The following CDK6 variants were observed in gnomAD, a reference collection of about 807,000 sequenced individuals.
CDK6 encodes the protein cyclin dependent kinase 6.
A neutral mutation model predicts 37.1 loss-of-function variants in CDK6; 6 were observed. The ratio of observed to expected loss-of-function variants is 0.16; its 90% CI spans 0.09 to 0.32. CDK6 has a LOEUF of 0.32. Among genes scored for constraint, CDK6 ranks in the 10% least tolerant of loss-of-function variants. The probability of loss-of-function intolerance (pLI) is 1.00; values close to 1 mark genes in which losing one functional copy is unlikely to be tolerated. For synonymous variants in CDK6, 160 were observed against 161.3 expected (o/e 0.99, Z 0.06); for missense variants, 224 against 418.9 (o/e 0.53, Z 4.06).
intron 2 of CDK6, among the ~76,000 whole-genome samples, chr7:92,788,279 A>G (rs562414963): frequency 7.7e-4 from 117 of 152,312 alleles, no homozygotes; most frequent in African/African-American, 2.7e-3. Context: ...AAACTGTGGG[A>G]GATAATTTGT....
chr7:92,745,355 C>T (rs1228349467), intron 3 of CDK6, among the ~76,000 whole-genome samples: 1 of 152,058 alleles, frequency 6.6e-6, no homozygotes, highest in Non-Finnish European at 1.5e-5. Context: ...CTGTGTTTTC[C>T]ACACAATTTT....
At chr7:92,759,697 CAAA>C (rs61188860) in intron 3 of CDK6, among the ~76,000 whole-genome samples, 22 of 74,102 alleles carry the variant, frequency 3.0e-4, no homozygotes, top group South Asian at 5.4e-4. Flanking sequence ...GACTTTAAGG[CAAA>C]AAAAAAAAAA....
Position 92,748,226 on chromosome 7 carries a change from A to G in CDK6, c.370-22433T>C, listed in dbSNP as rs372725734. ...AATAGTATTTCAAGAAGCAACTATT[A>G]TATCATCAGCAAGAAGGAGCAGGAA... On this transcript the variant is annotated intron_variant, in intron 3 of 7. Coordinates refer to ENST00000424848, the MANE Select transcript of CDK6 (RefSeq NM_001145306.2). Among the ~76,000 whole-genome samples the G allele has an allele frequency of 2.6e-5, 4 of 152,230 alleles. No homozygotes were observed. In the East Asian group the frequency reaches 7.7e-4, roughly 29 times the overall value.
intron 4 of CDK6, among the ~76,000 whole-genome samples, chr7:92,691,377 C>T (rs987506435): frequency 6.6e-6 from 1 of 152,158 alleles, no homozygotes; most frequent in Non-Finnish European, 1.5e-5. Context: ...GAAGTACACA[C>T]ACAATGTCTA....
chr7:92,697,441 A>G (rs974767112), intron 4 of CDK6, among the ~76,000 whole-genome samples: 8 of 152,230 alleles, frequency 5.3e-5, no homozygotes, highest in Non-Finnish European at 1.0e-4. Flanking sequence ...AAACATAAAA[A>G]CTTGTGAGAT....
At position 92,831,491 on chromosome 7, in the gene CDK6, C is replaced by T. The variant is rs537612750; in HGVS notation, c.233+1600G>A. On this transcript the variant is annotated intron_variant, in intron 2 of 7. Coordinates refer to ENST00000424848, the MANE Select transcript of CDK6 (RefSeq NM_001145306.2). ...CCTTCGGGATGTATTAGGTGATTCC[C>T]CTAGGACGACAGCTGAGTTACAGGG... 2.6e-5 allele frequency among the ~76,000 whole-genome samples: 4 copies of T among 152,228 alleles called. No homozygotes were observed. The South Asian group carries it at 6.2e-4, about 24-fold the overall frequency.
At chr7:92,830,270 C>T (rs1013332156) in intron 2 of CDK6, among the ~76,000 whole-genome samples, 5 of 152,236 alleles carry the variant, frequency 3.3e-5, no homozygotes. Context: ...TGCATGCAGG[C>T]AGTACCAGTG....
At chr7:92,749,686 G>GT (rs1299929156) in intron 3 of CDK6, among the ~76,000 whole-genome samples, 1 of 152,148 alleles carries the variant, frequency 6.6e-6, no homozygotes, top group Non-Finnish European at 1.5e-5. Context: ...GGTGTGTCCT[G>GT]TAAGTTTTTG....
intron 2 of CDK6, among the ~76,000 whole-genome samples, chr7:92,779,900 A>T (rs1052121711): frequency 6.6e-6 from 1 of 152,230 alleles, no homozygotes; most frequent in Non-Finnish European, 1.5e-5. Flanking sequence ...TTTGTCTACA[A>T]TGACTCCCTC....
chr7:92,677,468 A>C (rs1300873151), intron 4 of CDK6, among the ~76,000 whole-genome samples: 1 of 152,110 alleles, frequency 6.6e-6, no homozygotes, highest in Non-Finnish European at 1.5e-5. Flanking sequence ...AAATAAAAAA[A>C]ATTAGCCAGG....
intron 2 of CDK6, among the ~76,000 whole-genome samples, chr7:92,805,908 G>A (rs142213140): frequency 1.2e-3 from 188 of 152,250 alleles, no homozygotes; most frequent in African/African-American, 4.3e-3. Context: ...ATTTAAAAAT[G>A]TATCTTCTTG....
At chr7:92,779,642 C>G (rs1799937221) in intron 2 of CDK6, among the ~76,000 whole-genome samples, 1 of 152,146 alleles carries the variant, frequency 6.6e-6, no homozygotes, top group African/African-American at 2.4e-5. Context: ...TCTTTTTTGG[C>G]TCCAGTGCTG....
chr7:92,650,896 C>G (rs1359083056), intron 5 of CDK6, among the ~76,000 whole-genome samples: 2 of 146,060 alleles, frequency 1.4e-5, no homozygotes, highest in African/African-American at 5.0e-5. Flanking sequence ...AATTCTCTCT[C>G]TTTTTTTTTT....
intron 2 of CDK6, among the ~76,000 whole-genome samples, chr7:92,827,092 G>A (rs898053004): frequency 6.6e-6 from 1 of 152,066 alleles, no homozygotes; most frequent in East Asian, 1.9e-4. Flanking sequence ...TATCTACAAT[G>A]CATACAATCA....
intron 5 of CDK6, among the ~76,000 whole-genome samples, chr7:92,666,782 T>C (rs1796964703): frequency 6.6e-6 from 1 of 152,218 alleles, no homozygotes; most frequent in African/African-American, 2.4e-5. Context: ...GTATAGCACA[T>C]ATAATTATAT....
intron 3 of CDK6, among the ~76,000 whole-genome samples, chr7:92,764,215 T>C (rs1272573781): frequency 6.6e-6 from 1 of 151,830 alleles, no homozygotes; most frequent in African/African-American, 2.4e-5. Flanking sequence ...CATGGTTCGC[T>C]GCAACCTGAA....
intron 4 of CDK6, among the ~76,000 whole-genome samples, chr7:92,723,963 T>C (rs941345152): frequency 1.1e-4 from 17 of 152,202 alleles, no homozygotes; most frequent in Admixed American, 1.0e-3. Context: ...CTGTTTTTAT[T>C]TATGGTTATT....
In CDK6 at chr7:92,703,013, T is replaced by C. The variant is rs73404490; in HGVS notation, c.537+22613A>G. 3.7e-3 allele frequency among the ~76,000 whole-genome samples: 558 copies of C among 152,318 alleles called. 3 individuals are homozygous for C. Among genetic ancestry groups the C allele is most frequent in the African/African-American group, 0.013 (521 of 41,580 alleles). On this transcript the variant is annotated intron_variant, in intron 4 of 7. Coordinates refer to ENST00000424848, the MANE Select transcript of CDK6 (RefSeq NM_001145306.2). Reference sequence around the variant, plus strand: ...AACCCAAAATGTCTCCAGGCATCGATGAGTGTCCCCTGGGGGATAAAATCA... The same window carrying C: ...AACCCAAAATGTCTCCAGGCATCGACGAGTGTCCCCTGGGGGATAAAATCA...
intron 4 of CDK6, among the ~76,000 whole-genome samples, chr7:92,684,745 A>C (rs1797411122): frequency 6.6e-6 from 1 of 152,222 alleles, no homozygotes; most frequent in South Asian, 2.1e-4. Context: ...TTTACAAAAA[A>C]ACAAAATGCA....
Sources: allele counts gnomAD v4.1 joint callset (sites outside exome capture counted in the v4.1 genomes callset), GRCh38; gene constraint gnomAD v4.1.1; transcripts MANE v1.5; gene names NCBI Gene and HGNC (gene_info 2026-07-23, HGNC 2026-07-21).